The following TEX15 variants were observed in gnomAD, a reference collection of about 807,000 sequenced individuals.
The protein encoded by TEX15 is testis-expressed protein 15.
Under a neutral mutation model 237.3 loss-of-function variants are expected in TEX15, and 171 were observed. That is an observed-to-expected ratio of 0.72 (90% confidence interval 0.64 to 0.82). The LOEUF is 0.82. TEX15 is among the 40% of genes least tolerant of loss of function. The probability of loss-of-function intolerance (pLI) is 0.00; values close to 1 mark genes in which losing one functional copy is unlikely to be tolerated. For missense variants in TEX15, 3,750 were observed against 3,646.5 expected, an observed-to-expected ratio of 1.03 and a Z score of -0.73; for synonymous variants, 1,338 against 1,269.8, an observed-to-expected ratio of 1.05 and a Z score of -1.14.
intron 7 of TEX15, among the ~76,000 whole-genome samples, chr8:30,857,746 T>C (rs1229461461): frequency 1.3e-5 from 2 of 152,140 alleles, no homozygotes; most frequent in African/African-American, 4.8e-5. Flanking sequence ...GCAAAAACAC[T>C]GAAAAAGTCT....
At chr8:30,889,938 T>TATATATACATATATATATATATACAC (rs1554502292) in intron 2 of TEX15, among the ~76,000 whole-genome samples, 61 of 128,118 alleles carry the variant, frequency 4.8e-4, no homozygotes, top group African/African-American at 2.1e-3. Flanking sequence ...TATATACATA[T>TATATATACATATATATATATATACAC]ATATATATAT....
rs900047184 is a variant in TEX15, at chr8:30,844,146, T to C, written c.6021A>G (p.Ala2007=). 6.2e-7 allele frequency: 1 copy of C among 1,613,288 alleles called. No individual in the cohort carries two copies. The highest frequency in any genetic ancestry group is 1.7e-4 in the Middle Eastern group (1 of 6,060). Reference sequence around the variant, plus strand: ...GAATCTGCAAAGATGATGCTTCATCTGCCCTCTGCAAAATTTGAGATAGAT... The same window carrying C: ...GAATCTGCAAAGATGATGCTTCATCCGCCCTCTGCAAAATTTGAGATAGAT... ...IANLSQILQR[A]DEASSLQILQ... is the part of the protein sequence containing the mutation. The change falls in exon 8 of 11, where the codon GCA becomes GCG. Residue 2007 remains alanine (A), a synonymous_variant. Transcript: ENST00000643185.
intron 2 of TEX15, among the ~76,000 whole-genome samples, chr8:30,889,954 C>CGTATATATAT (rs767323464): frequency 9.1e-6 from 1 of 110,074 alleles, no homozygotes; most frequent in African/African-American, 4.5e-5. Flanking sequence ...TATATATATA[C>CGTATATATAT]ATATATATAT....
Position 30,847,247 on chromosome 8 carries a change from T to C in TEX15, c.2920A>G (p.Ser974Gly). ...LASTTFPKTASSSVCVASNAA... is the reference protein window; with the variant it reads ...LASTTFPKTAGSSVCVASNAA... ...TTTGAGGCTACACACACTGAAGAAC[T>C]TGCAGTTTTGGGAAATGTCGTGGAA... Residue 974 changes from serine (S) to glycine (G), a missense_variant, in exon 8 of 11, where the codon AGT (serine) becomes GGT (glycine). By Grantham distance (56) the Ser-to-Gly change is moderately conservative. Transcript: ENST00000643185. 6.2e-7 allele frequency: 1 copy of C among 1,613,982 alleles called. No individual in the cohort carries two copies. The highest frequency in any genetic ancestry group is 8.5e-7 in the Non-Finnish European group (1 of 1,179,870).
At chr8:30,875,145 T>C in intron 3 of TEX15, 43 bp from the exon 4 acceptor site, 1 of 1,175,814 alleles carries the variant, frequency 8.5e-7, no homozygotes, top group South Asian at 4.3e-5. Flanking sequence ...TAAAATGACA[T>C]TATTGGACAT....
intron 1 of TEX15, among the ~76,000 whole-genome samples, chr8:30,903,636 G>A (rs1385095560): frequency 3.3e-5 from 5 of 152,112 alleles, no homozygotes; most frequent in Non-Finnish European, 7.4e-5. Flanking sequence ...ATTCCACCAG[G>A]AAGATTACCT....
Position 30,845,279 on chromosome 8 carries a change from T to C in TEX15, c.4888A>G (p.Ser1630Gly), listed in dbSNP as rs1045439256. The C allele has an allele frequency of 1.2e-6, 2 of 1,613,202 alleles. No individual in the cohort carries two copies. Among genetic ancestry groups the C allele is most frequent in the African/African-American group, 2.7e-5 (2 of 74,910 alleles). ...LSCIKENINS[S>G]TGNDCDATCI... ...GTTGCATCACAATCGTTGCCTGTAC[T>C]AGAATTTATGTTTTCTTTTATGCAA... The change falls in exon 8 of 11, where the codon AGT becomes GGT. Residue 1630 changes from serine (S) to glycine (G), a missense_variant. Transcript: ENST00000643185.
At chr8:30,853,681 T>C (rs1026311175) in intron 7 of TEX15, among the ~76,000 whole-genome samples, 1 of 152,144 alleles carries the variant, frequency 6.6e-6, no homozygotes, top group Non-Finnish European at 1.5e-5. Flanking sequence ...CTGGAACCAA[T>C]CCTCCCTGAC....
rs1243937228 is a variant in TEX15 at position 30,832,347 on chromosome 8, A to C, written c.*939T>G. ...CTTGAGAAAGGTCTATCCAGTTGTG[A>C]GGGCTCTGTCTGACTAGGATCTTAC... is the stretch of plus-strand genomic sequence containing the variant. On this transcript the variant is annotated 3_prime_UTR_variant, in exon 11 of 11. Coordinates refer to ENST00000643185, the MANE Select transcript of TEX15 (RefSeq NM_001350162.2). 2 of 152,228 alleles carry C rather than the reference A, an allele frequency of 1.3e-5. No homozygotes were observed. The highest frequency in any genetic ancestry group is 2.9e-5 in the Non-Finnish European group (2 of 68,030). The allele number at this position is 152,228 out of a possible 1,614,324, so 9.4% of individuals were successfully genotyped here.
In TEX15 at chr8:30,845,148, T is replaced by C; in HGVS notation, c.5019A>G (p.Leu1673=). 6.2e-7 allele frequency: 1 copy of C among 1,613,472 alleles called. No homozygotes were observed. Among genetic ancestry groups the C allele is most frequent in the Non-Finnish European group, 8.5e-7 (1 of 1,179,476 alleles). ...CTTCCAGGTTTCTTTTACAATCAGATAAAATAAGGTTACCTTGTTGGTAGA... is the reference window on the plus strand; with the variant it reads ...CTTCCAGGTTTCTTTTACAATCAGACAAAATAAGGTTACCTTGTTGGTAGA... ...NDLYQQGNLI[L]SDCKRNLEVK... Residue 1673 remains leucine, a synonymous_variant, in exon 8 of 11, where the codon TTA becomes TTG. Transcript: ENST00000643185.
chr8:30,856,967 T>C (rs1368006635), intron 7 of TEX15, among the ~76,000 whole-genome samples: 2 of 152,176 alleles, frequency 1.3e-5, no homozygotes, highest in African/African-American at 2.4e-5. Flanking sequence ...AAACAAAAAA[T>C]TATTTTTAAA....
In TEX15 at chr8:30,847,250, C is replaced by A. The variant is rs1807641068; in HGVS notation, c.2917G>T (p.Ala973Ser). The A allele has an allele frequency of 3.1e-6, 5 of 1,613,912 alleles. No individual in the cohort carries two copies. The highest frequency in any genetic ancestry group is 4.2e-6 in the Non-Finnish European group (5 of 1,179,842). Residue 973 changes from alanine to serine, a missense_variant, in exon 8 of 11, where the codon GCA becomes TCA. Transcript: ENST00000643185. ...HLASTTFPKTASSSVCVASNA... is the reference protein window; with the variant it reads ...HLASTTFPKTSSSSVCVASNA... The stretch of plus-strand genomic sequence containing the variant: ...GAGGCTACACACACTGAAGAACTTG[C>A]AGTTTTGGGAAATGTCGTGGAAGCC...
At chr8:30,850,043 CTCTA>C (rs996801902) in intron 7 of TEX15, among the ~76,000 whole-genome samples, 1 of 152,006 alleles carries the variant, frequency 6.6e-6, no homozygotes, top group African/African-American at 2.4e-5. Flanking sequence ...AATAATCTCC[CTCTA>C]TCTACCATTA....
intron 3 of TEX15, among the ~76,000 whole-genome samples, chr8:30,883,311 A>AC (rs1808573061): frequency 6.6e-6 from 1 of 152,128 alleles, no homozygotes; most frequent in Non-Finnish European, 1.5e-5. Context: ...ATGGATTCAG[A>AC]GACCACAGCT....
intron 1 of TEX15, among the ~76,000 whole-genome samples, chr8:30,910,347 G>T (rs531565169): frequency 6.6e-5 from 10 of 152,124 alleles, no homozygotes; most frequent in Admixed American, 2.0e-4. Context: ...ATCACTAGCT[G>T]CTAGGATTAA....
intron 5 of TEX15, among the ~76,000 whole-genome samples, chr8:30,865,054 A>G (rs1161845304): frequency 6.6e-6 from 1 of 152,116 alleles, no homozygotes; most frequent in Non-Finnish European, 1.5e-5. Flanking sequence ...GTTTTTAAAA[A>G]AACAAAATAT....
At position 30,860,015 on chromosome 8, in the gene TEX15, T is replaced by C. The variant is rs1180697282; in HGVS notation, c.583A>G (p.Lys195Glu). 9 of 1,507,030 alleles carry C rather than the reference T, an allele frequency of 6.0e-6. No individual in the cohort carries two copies. Among genetic ancestry groups the C allele is most frequent in the Non-Finnish European group, 7.9e-6 (9 of 1,136,834 alleles). The allele number at this position is 1,507,030 out of a possible 1,614,324, so 93.4% of individuals were successfully genotyped here. The change falls in exon 6 of 11, where the codon AAA becomes GAA. Residue 195 changes from lysine (K) to glutamate (E), a missense_variant. Physicochemically the swap from Lys to Glu is moderately conservative, Grantham distance 56. Coordinates refer to ENST00000643185, the MANE Select transcript of TEX15 (RefSeq NM_001350162.2). ...KVKKIQPSVDKNKVSLDPSPN... is the reference protein window; with the variant it reads ...KVKKIQPSVDENKVSLDPSPN... ...GAAGGATCCAAAGAAACTTTATTTT[T>C]ATCCACAGAAGGTTGGATTTTCTTC...
intron 2 of TEX15, chr8:30,888,820 A>G (rs1158168569): frequency 2.8e-6 from 1 of 354,202 alleles, no homozygotes. Flanking sequence ...GTGATCTTGC[A>G]ATCACCCAAT....
At position 30,845,789 on chromosome 8, in the gene TEX15, C is replaced by T. The variant is rs763459642; in HGVS notation, c.4378G>A (p.Ala1460Thr). 6.2e-7 allele frequency: 1 copy of T among 1,610,446 alleles called. No homozygotes were observed. Among genetic ancestry groups the T allele is most frequent in the Admixed American group, 1.7e-5 (1 of 59,350 alleles). Residue 1460 changes from alanine to threonine, a missense_variant, in exon 8 of 11, where the codon GCT becomes ACT. Coordinates refer to ENST00000643185, the MANE Select transcript of TEX15 (RefSeq NM_001350162.2). ...GATTTAGAAATATCAGCTTTTGGAG[C>T]TCTTTTCTTTCTCCGTTTGTCATAT... ...RKYDKRRKKR[A>T]PKADISKSLT... is the part of the protein sequence containing the mutation.
Sources: gnomAD v4.1 joint callset for allele counts (sites outside exome capture counted in the v4.1 genomes callset) on GRCh38, gnomAD v4.1.1 for gene constraint, MANE v1.5 for transcripts, NCBI Gene and HGNC (gene_info 2026-07-23, HGNC 2026-07-21) for gene names.